The following SPIRE1 variants were observed in gnomAD, a reference collection of about 807,000 sequenced individuals.
SPIRE1 encodes the protein spire type actin nucleation factor 1.
SPIRE1 carries 40 observed loss-of-function variants against 94.1 expected under a neutral mutation model. The observed-to-expected ratio is 0.43, with a 90% confidence interval of 0.33 to 0.55. The LOEUF is 0.55. Among genes scored for constraint, SPIRE1 ranks in the 20% least tolerant of loss-of-function variants. The probability of loss-of-function intolerance (pLI) is 0.06; values close to 1 mark genes in which losing one functional copy is unlikely to be tolerated. For missense variants in SPIRE1, 838 were observed against 975.2 expected (o/e 0.86, Z 1.87); for synonymous variants, 376 against 371.7 (o/e 1.01, Z -0.13).
intron 2 of SPIRE1, among the ~76,000 whole-genome samples, chr18:12,592,410 T>A (rs2036560187): frequency 6.6e-6 from 1 of 152,216 alleles, no homozygotes; most frequent in South Asian, 2.1e-4. Context: ...ATTCTTTTTG[T>A]ATGTGCATCA....
chr18:12,653,360 A>C (rs983137862), intron 1 of SPIRE1: 1 of 152,256 alleles, frequency 6.6e-6, no homozygotes, highest in African/African-American at 2.4e-5. Context: ...TAGAGGAAGA[A>C]GGAAACTAAA....
intron 6 of SPIRE1, 53 bp from the exon 7 acceptor site, chr18:12,496,155 A>T (rs1020548011): frequency 2.5e-5 from 31 of 1,243,248 alleles, no homozygotes; most frequent in Middle Eastern, 3.7e-4. Flanking sequence ...GACTATCATG[A>T]ATTTCTGGGT....
chr18:12,461,596 TAC>T (rs140982581), intron 12 of SPIRE1, among the ~76,000 whole-genome samples: 28 of 149,372 alleles, frequency 1.9e-4, no homozygotes, highest in African/African-American at 5.1e-4. Flanking sequence ...TATACATACA[TAC>T]ACACACATAT....
intron 16 of SPIRE1, 91 bp downstream of exon 16, chr18:12,452,164 C>G: frequency 6.7e-7 from 1 of 1,502,366 alleles, no homozygotes; most frequent in East Asian, 2.3e-5. Flanking sequence ...AAAAACCCCT[C>G]GAGCCAAAAC....
chr18:12,624,008 C>T (rs1290304564), intron 2 of SPIRE1, among the ~76,000 whole-genome samples: 1 of 151,586 alleles, frequency 6.6e-6, no homozygotes, highest in East Asian at 2.0e-4. Flanking sequence ...ACTGCAACCT[C>T]TGCCTCAAGG....
intron 2 of SPIRE1, among the ~76,000 whole-genome samples, chr18:12,628,625 T>C (rs2037695886): frequency 6.6e-6 from 1 of 152,214 alleles, no homozygotes; most frequent in Non-Finnish European, 1.5e-5. Flanking sequence ...ATTGAATCTA[T>C]AAATTATCTT....
chr18:12,471,379 T>C (rs1284692013), intron 10 of SPIRE1, among the ~76,000 whole-genome samples: 1 of 151,260 alleles, frequency 6.6e-6, no homozygotes, highest in Non-Finnish European at 1.5e-5. Context: ...AATACTGGTT[T>C]CTTTCTTTTT....
chr18:12,494,578 C>T (rs2033369036), intron 7 of SPIRE1, among the ~76,000 whole-genome samples: 1 of 151,908 alleles, frequency 6.6e-6, no homozygotes, highest in Non-Finnish European at 1.5e-5. Flanking sequence ...GCCTGTAATC[C>T]CAGCACTTTG....
intron 2 of SPIRE1, among the ~76,000 whole-genome samples, chr18:12,603,045 T>C (rs1287877222): frequency 1.3e-5 from 2 of 152,176 alleles, no homozygotes; most frequent in Non-Finnish European, 2.9e-5. Flanking sequence ...ACACATAACC[T>C]ACAAAACATC....
chr18:12,478,625 G>A (rs77866292), intron 10 of SPIRE1, among the ~76,000 whole-genome samples: 62 of 151,782 alleles, frequency 4.1e-4, no homozygotes, highest in Middle Eastern at 3.4e-3. Context: ...GTGTGCGCGC[G>A]CATGCGTATG....
At chr18:12,521,597 G>C (rs772472580) in intron 4 of SPIRE1, among the ~76,000 whole-genome samples, 1 of 152,134 alleles carries the variant, frequency 6.6e-6, no homozygotes, top group South Asian at 2.1e-4. Flanking sequence ...GCCTCCCAAA[G>C]TGCTGGGATT....
chr18:12,516,409 T>C (rs1251642866), intron 4 of SPIRE1, among the ~76,000 whole-genome samples: 1 of 152,162 alleles, frequency 6.6e-6, no homozygotes, highest in East Asian at 1.9e-4. Context: ...AGTTCTAAAT[T>C]GATAGAGTGT....
intron 12 of SPIRE1, among the ~76,000 whole-genome samples, chr18:12,459,117 T>C (rs2031664599): frequency 6.6e-6 from 1 of 152,216 alleles, no homozygotes; most frequent in African/African-American, 2.4e-5. Flanking sequence ...GTTCAAATAA[T>C]GATATATTAT....
In SPIRE1 at chr18:12,579,100, A is replaced by G. The variant is rs192579690; in HGVS notation, c.373-32196T>C. Among the ~76,000 whole-genome samples the G allele has an allele frequency of 4.6e-3, 698 of 150,562 alleles. 7 individuals carry two copies. Among genetic ancestry groups the G allele is most frequent in the African/African-American group, 0.016 (659 of 40,334 alleles). The stretch of plus-strand genomic sequence containing the variant: ...TAAAGGCTTTTAAGAGAAGGGGAGG[A>G]AAAAAAACCCAAAAACCATCAAAGA... On this transcript the variant is annotated intron_variant, in intron 2 of 16. Coordinates refer to ENST00000409402, the MANE Select transcript of SPIRE1 (RefSeq NM_001128626.2).
Position 12,657,925 on chromosome 18 carries a change from G to C in SPIRE1, c.-59C>G. ...CGTGTGCCGGCGTCTCCTCAGCTCC[G>C]GAGCATCGTCGTCGCGCGCCGCCGC... On this transcript the variant is annotated 5_prime_UTR_variant, in exon 1 of 17. Transcript: ENST00000409402. The C allele has an allele frequency of 9.8e-7, 1 of 1,019,922 alleles. No homozygotes were observed. The highest frequency in any genetic ancestry group is 1.2e-6 in the Non-Finnish European group (1 of 854,770). 63.2% of individuals were successfully genotyped at this position (1,019,922 alleles called of 1,614,324 possible).
chr18:12,479,995 A>G, intron 9 of SPIRE1, 124 bp from the exon 10 acceptor site: 1 of 819,870 alleles, frequency 1.2e-6, no homozygotes, highest in Non-Finnish European at 1.8e-6. Context: ...CACCTTGCCT[A>G]TGTATAGAAA....
intron 5 of SPIRE1, among the ~76,000 whole-genome samples, chr18:12,512,167 C>A (rs2034053757): frequency 6.6e-6 from 1 of 152,130 alleles, no homozygotes; most frequent in Non-Finnish European, 1.5e-5. Context: ...GAGTTTGAGA[C>A]CAGCCTGGCC....
chr18:12,609,958 A>G (rs1346401687), intron 2 of SPIRE1, among the ~76,000 whole-genome samples: 1 of 151,978 alleles, frequency 6.6e-6, no homozygotes, highest in Admixed American at 6.6e-5. Context: ...CCTCAGGATC[A>G]ATGTTGGTCC....
chr18:12,571,857 C>T (rs906680713), intron 2 of SPIRE1, among the ~76,000 whole-genome samples: 1 of 152,178 alleles, frequency 6.6e-6, no homozygotes, highest in Non-Finnish European at 1.5e-5. Flanking sequence ...ATGGCCTTCA[C>T]AGAGCTTTTG....
Sources: gnomAD v4.1 joint callset for allele counts (sites outside exome capture counted in the v4.1 genomes callset) on GRCh38, gnomAD v4.1.1 for gene constraint, MANE v1.5 for transcripts, NCBI Gene and HGNC (gene_info 2026-07-23, HGNC 2026-07-21) for gene names.